The following TTLL7 variants were observed in gnomAD, a reference collection of about 807,000 sequenced individuals.
TTLL7 encodes the protein tubulin polyglutamylase TTLL7.
A neutral mutation model predicts 120.2 loss-of-function variants in TTLL7; 53 were observed. The observed-to-expected ratio is 0.44, with a 90% confidence interval of 0.35 to 0.55. The LOEUF is 0.55. Among genes scored for constraint, TTLL7 ranks in the 20% least tolerant of loss-of-function variants. TTLL7 has a pLI of 0.00. For synonymous variants in TTLL7, 353 were observed against 351.7 expected, an observed-to-expected ratio of 1.00 and a Z score of -0.04; for missense variants, 803 against 1,054.7, an observed-to-expected ratio of 0.76 and a Z score of 3.31.
chr1:83,932,447 T>G (rs78416344), intron 9 of TTLL7, among the ~76,000 whole-genome samples: 6,276 of 152,148 alleles, frequency 0.041, 155 homozygotes, highest in Middle Eastern at 0.099. Flanking sequence ...TTCCTCACAT[T>G]TATCTTATCT....
At chr1:83,892,559 C>CATAT (rs1177182200) in intron 18 of TTLL7, among the ~76,000 whole-genome samples, 49 of 50,928 alleles carry the variant, frequency 9.6e-4, no homozygotes, top group African/African-American at 2.1e-3. Flanking sequence ...TATATATGAA[C>CATAT]ATATGAACAT....
chr1:83,882,490 A>ACT (rs1654604972), intron 20 of TTLL7, among the ~76,000 whole-genome samples: 1 of 151,912 alleles, frequency 6.6e-6, no homozygotes, highest in African/African-American at 2.4e-5. Flanking sequence ...TATTTATGAA[A>ACT]CTCATTTTTC....
chr1:83,911,423 A>T (rs1324330145), intron 14 of TTLL7, 60 bp from the exon 15 acceptor site: 1 of 1,332,768 alleles, frequency 7.5e-7, no homozygotes, highest in African/African-American at 1.5e-5. Flanking sequence ...TATTGATATG[A>T]TTAGTTACTA....
rs547052343 is a variant in TTLL7, at chr1:83,957,588, T to G, written c.-176-5201A>C. Among the ~76,000 whole-genome samples the G allele has an allele frequency of 8.5e-5, 13 of 152,268 alleles. 1 individual carries two copies. The East Asian group carries it at 1.9e-3, about 23-fold the overall frequency. On this transcript the variant is annotated intron_variant, in intron 1 of 20. Transcript: ENST00000260505. Reference sequence around the variant, plus strand: ...TATGGGAAAATGTAGGCTCCAAGGTTAAGAAACTTGCACAAAGTCACACAT... The same window carrying G: ...TATGGGAAAATGTAGGCTCCAAGGTGAAGAAACTTGCACAAAGTCACACAT...
At chr1:83,877,101 A>G (rs545458030) in intron 20 of TTLL7, among the ~76,000 whole-genome samples, 5 of 152,130 alleles carry the variant, frequency 3.3e-5, no homozygotes, top group African/African-American at 1.2e-4. Context: ...TTAAAGCATG[A>G]ATGCATATTG....
intron 14 of TTLL7, among the ~76,000 whole-genome samples, chr1:83,914,487 A>G (rs1657960952): frequency 6.6e-6 from 1 of 151,736 alleles, no homozygotes; most frequent in Admixed American, 6.6e-5. Context: ...GCATGCCACC[A>G]CACCCAGCTA....
At chr1:83,910,394 G>C (rs1224837414) in intron 15 of TTLL7, among the ~76,000 whole-genome samples, 1 of 152,132 alleles carries the variant, frequency 6.6e-6, no homozygotes, top group Non-Finnish European at 1.5e-5. Context: ...TCCTGGACTG[G>C]AGGCAGCATC....
chr1:83,948,973 T>C (rs1571279490), intron 4 of TTLL7: 2 of 250,588 alleles, frequency 8.0e-6, no homozygotes, highest in African/African-American at 4.5e-5. Flanking sequence ...TAATTCAATA[T>C]CCAAATTACT....
intron 1 of TTLL7, among the ~76,000 whole-genome samples, chr1:83,986,444 A>C (rs1652448918): frequency 6.6e-6 from 1 of 152,238 alleles, no homozygotes; most frequent in Admixed American, 6.5e-5. Flanking sequence ...ATGTCTCAGC[A>C]TACTAAGGAC....
chr1:83,960,901 T>A (rs529430344), intron 1 of TTLL7, among the ~76,000 whole-genome samples: 4 of 152,288 alleles, frequency 2.6e-5, no homozygotes, highest in African/African-American at 9.6e-5. Context: ...TACTTACTCC[T>A]TGAACATAGT....
rs748636823 is a variant in TTLL7 at position 83,921,270 on chromosome 1, A to C, written c.1267T>G (p.Leu423Val). Residue 423 changes from leucine (L) to valine (V), a missense_variant, in exon 11 of 21, where the codon TTG becomes GTG. Physicochemically the swap from Leu to Val is conservative, Grantham distance 32. Transcript: ENST00000260505. ...ACCAACTCTTCTTTCCGCCTCTCCAACTGGTGTCTCTGCTGTTCCCAGTCT... is the reference window on the plus strand; with the variant it reads ...ACCAACTCTTCTTTCCGCCTCTCCACCTGGTGTCTCTGCTGTTCCCAGTCT... The part of the protein sequence containing the change: ...SSDWEQQRHQ[L>V]ERRKEELKER... 1 of 1,612,906 alleles carries C rather than the reference A, an allele frequency of 6.2e-7. No individual in the cohort carries two copies. Among genetic ancestry groups the C allele is most frequent in the East Asian group, 2.2e-5 (1 of 44,842 alleles).
At chr1:83,920,594 A>G (rs551199015) in intron 12 of TTLL7, 1 of 123,868 alleles carries the variant, frequency 8.1e-6, no homozygotes, top group African/African-American at 3.2e-5. Flanking sequence ...AAAGTGGGCA[A>G]TCTGTCCAAG....
chr1:83,993,834 G>A (rs1653222406), intron 1 of TTLL7, among the ~76,000 whole-genome samples: 2 of 152,198 alleles, frequency 1.3e-5, no homozygotes, highest in South Asian at 2.1e-4. Flanking sequence ...GTCAACTACT[G>A]TGTGTACTAT....
intron 6 of TTLL7, among the ~76,000 whole-genome samples, chr1:83,944,573 T>A (rs1648292503): frequency 6.6e-6 from 1 of 152,084 alleles, no homozygotes; most frequent in South Asian, 2.1e-4. Context: ...CCAGGCATGG[T>A]GGCATACGCC....
intron 1 of TTLL7, chr1:83,980,535 T>G (rs1297503683): frequency 1.3e-5 from 2 of 152,206 alleles, no homozygotes; most frequent in Admixed American, 1.3e-4. Context: ...TTCCTGTATC[T>G]GGCCAAACCA....
At chr1:83,906,978 A>G (rs1218188878) in intron 16 of TTLL7, among the ~76,000 whole-genome samples, 2 of 152,056 alleles carry the variant, frequency 1.3e-5, no homozygotes, top group Non-Finnish European at 2.9e-5. Flanking sequence ...AATCTCTGGG[A>G]TTCATGCTAA....
chr1:83,943,384 C>T (rs570830543), intron 6 of TTLL7, among the ~76,000 whole-genome samples: 2 of 152,242 alleles, frequency 1.3e-5, no homozygotes, highest in South Asian at 2.1e-4. Flanking sequence ...CCTAAGCTGT[C>T]CCCTCTGGCT....
chr1:83,904,401 G>A (rs1437186844), intron 17 of TTLL7, among the ~76,000 whole-genome samples: 2 of 152,094 alleles, frequency 1.3e-5, no homozygotes, highest in African/African-American at 4.8e-5. Context: ...TTGGGAGGCT[G>A]AGGCAGGCAG....
intron 1 of TTLL7, among the ~76,000 whole-genome samples, chr1:83,982,502 C>A (rs1652058526): frequency 6.6e-6 from 1 of 152,022 alleles, no homozygotes; most frequent in Non-Finnish European, 1.5e-5. Context: ...TTCTATACAC[C>A]AATATTGTTC....
Sources: gnomAD v4.1 joint callset for allele counts (sites outside exome capture counted in the v4.1 genomes callset) on GRCh38, gnomAD v4.1.1 for gene constraint, MANE v1.5 for transcripts, NCBI Gene and HGNC (gene_info 2026-07-23, HGNC 2026-07-21) for gene names.